Variants in TRPS1 observed in about 807,000 individuals in gnomAD.
TRPS1 encodes zinc finger transcription factor Trps1.
In TRPS1, 6 loss-of-function variants were observed where a neutral mutation model predicts 101.2. The ratio of observed to expected loss-of-function variants is 0.06; its 90% CI spans 0.03 to 0.12. TRPS1 has a LOEUF of 0.12. TRPS1 is among the 10% of genes least tolerant of loss of function. The pLI, the probability that TRPS1 is intolerant of heterozygous loss-of-function variation, is 1.00. For synonymous variants in TRPS1, 578 were observed against 589.8 expected (o/e 0.98, Z 0.29); for missense variants, 1,363 against 1,567.0 (o/e 0.87, Z 2.20).
intron 1 of TRPS1, among the ~76,000 whole-genome samples, chr8:115,654,801 G>A (rs1448932365): frequency 6.6e-6 from 1 of 152,090 alleles, no homozygotes; most frequent in Non-Finnish European, 1.5e-5. Flanking sequence ...AACTTTCTGT[G>A]ATAGCTTCTA....
chr8:115,606,152 T>A (rs1818033041), intron 3 of TRPS1, among the ~76,000 whole-genome samples: 1 of 152,152 alleles, frequency 6.6e-6, no homozygotes, highest in East Asian at 1.9e-4. Flanking sequence ...AATCACTGCA[T>A]GAGAAAAGTC....
At chr8:115,651,708 TTCAGGAAGAAGAA>T (rs1811563795) in intron 1 of TRPS1, among the ~76,000 whole-genome samples, 1 of 152,080 alleles carries the variant, frequency 6.6e-6, no homozygotes, top group Non-Finnish European at 1.5e-5. Context: ...GGTAGAGCGT[TTCAGGAAGAAGAA>T]TACAGAAGTG....
chr8:115,425,003 C>A (rs1485083447), intron 5 of TRPS1, among the ~76,000 whole-genome samples: 1 of 152,120 alleles, frequency 6.6e-6, no homozygotes, highest in Non-Finnish European at 1.5e-5. Context: ...TGACTACACA[C>A]CAGTAGACCC....
At chr8:115,436,949 T>G (rs1298011393) in intron 5 of TRPS1, among the ~76,000 whole-genome samples, 1 of 152,162 alleles carries the variant, frequency 6.6e-6, no homozygotes, top group Non-Finnish European at 1.5e-5. Context: ...GTCAATACAT[T>G]TCATAGATAC....
At chr8:115,501,758 T>C (rs1563557251) in intron 5 of TRPS1, among the ~76,000 whole-genome samples, 1 of 152,222 alleles carries the variant, frequency 6.6e-6, no homozygotes, top group Non-Finnish European at 1.5e-5. Context: ...TCTGGTATCT[T>C]ATCTTCACCA....
At chr8:115,534,478 G>A (rs117993249) in intron 5 of TRPS1, among the ~76,000 whole-genome samples, 32 of 150,884 alleles carry the variant, frequency 2.1e-4, no homozygotes, top group Admixed American at 4.0e-4. Context: ...CACACTGGAG[G>A]TTGAAGCTCT....
chr8:115,413,845 C>T lies in TRPS1; in HGVS notation c.*178G>A, dbSNP rs925469892. 2 of 641,780 alleles carry T rather than the reference C, an allele frequency of 3.1e-6. No individual in the cohort carries two copies. Among genetic ancestry groups the T allele is most frequent in the Non-Finnish European group, 5.2e-6 (2 of 381,324 alleles). 39.8% of individuals were successfully genotyped at this position (641,780 alleles called of 1,614,324 possible). A position where few individuals can be genotyped will look rare whatever the true frequency, so the allele number is the denominator to read the frequency against. On this transcript the variant is annotated 3_prime_UTR_variant, in exon 7 of 7. Transcript: ENST00000395715. ...TCTTTCTCATTGACCATTTATCTCA[C>T]TTTTTAATCTTGGTAACCTACTCAT...
intron 5 of TRPS1, among the ~76,000 whole-genome samples, chr8:115,467,394 G>A (rs999178135): frequency 2.0e-5 from 3 of 151,596 alleles, no homozygotes; most frequent in African/African-American, 4.9e-5. Context: ...GGTGTGAATG[G>A]AGGATGCTCT....
chr8:115,606,638 T>A (rs762299748), intron 3 of TRPS1, among the ~76,000 whole-genome samples: 1 of 151,954 alleles, frequency 6.6e-6, no homozygotes. Flanking sequence ...TTCAAAGCCA[T>A]ACACTCAAGG....
chr8:115,550,747 T>C (rs1343581692), intron 5 of TRPS1, among the ~76,000 whole-genome samples: 1 of 152,220 alleles, frequency 6.6e-6, no homozygotes, highest in Non-Finnish European at 1.5e-5. Context: ...TGGAAATCTA[T>C]AACTACCCTG....
chr8:115,571,880 T>C (rs1666999770), intron 5 of TRPS1, among the ~76,000 whole-genome samples: 1 of 152,054 alleles, frequency 6.6e-6, no homozygotes, highest in African/African-American at 2.4e-5. Context: ...TCTTTGATAA[T>C]ATGTATATAC....
Position 115,414,647 on chromosome 8 carries a change from A to G in TRPS1, c.3261T>C (p.Pro1087=). The change falls in exon 7 of 7, where the codon CCT becomes CCC. Residue 1087 remains proline, a synonymous_variant. Transcript: ENST00000395715. This position sits in a 1 kb window ranked among gnomAD's most constrained non-coding sequence, Gnocchi z 4.8. ...GTGGTGAATAATTTGGGTGTTTCGCAGGTCTCATGTACTTTTCTATAGGAC... is the reference window on the plus strand; with the variant it reads ...GTGGTGAATAATTTGGGTGTTTCGCGGGTCTCATGTACTTTTCTATAGGAC... ...RGSPIEKYMR[P]AKHPNYSPPG... is the part of the protein sequence containing the mutation. 1 of 1,614,072 alleles carries G rather than the reference A, an allele frequency of 6.2e-7. No homozygotes were observed. The highest frequency in any genetic ancestry group is 1.1e-5 in the South Asian group (1 of 91,090).
Position 115,619,836 on chromosome 8 carries a change from A to G in TRPS1, c.262T>C (p.Leu88=). ...QDPSSSSKKD[L]KSAVLSEKAG... is the part of the protein sequence containing the mutation. ...TTCTCACTCAGAACTGCGCTTTTCAAGTCCTTCTTACTGCTAGAAGATGGA... is the reference window on the plus strand; with the variant it reads ...TTCTCACTCAGAACTGCGCTTTTCAGGTCCTTCTTACTGCTAGAAGATGGA... The change falls in exon 3 of 7, where the codon TTG becomes CTG. Residue 88 remains leucine (L), a synonymous_variant. Transcript: ENST00000395715. 1 of 1,614,198 alleles carries G rather than the reference A, an allele frequency of 6.2e-7. No individual in the cohort carries two copies. The highest frequency in any genetic ancestry group is 1.1e-5 in the South Asian group (1 of 91,082).
At chr8:115,581,911 T>A (rs2178949) in intron 5 of TRPS1, among the ~76,000 whole-genome samples, 4 of 151,972 alleles carry the variant, frequency 2.6e-5, no homozygotes, top group African/African-American at 4.8e-5. Flanking sequence ...AGCAGAGACA[T>A]GTACAAGGAT....
At position 115,413,337 on chromosome 8, in the gene TRPS1, C is replaced by T. The variant is rs1360447850; in HGVS notation, c.*686G>A. ...AAAGGACTACTGAGTATTTGAACAT[C>T]TAAAGGACAAAAATATCAGAGAGGG... On this transcript the variant is annotated 3_prime_UTR_variant, in exon 7 of 7. Transcript: ENST00000395715. 1 of 152,542 alleles carries T rather than the reference C, an allele frequency of 6.6e-6. No homozygotes were observed. The highest frequency in any genetic ancestry group is 2.4e-5 in the African/African-American group (1 of 41,432). 9.4% of individuals were successfully genotyped at this position (152,542 alleles called of 1,614,324 possible).
chr8:115,635,356 C>T (rs1466455064), intron 1 of TRPS1, among the ~76,000 whole-genome samples: 1 of 152,136 alleles, frequency 6.6e-6, no homozygotes, highest in Non-Finnish European at 1.5e-5. Flanking sequence ...TGCACTAAAT[C>T]CTATTTTTGG....
At chr8:115,458,825 G>C (rs897291396) in intron 5 of TRPS1, among the ~76,000 whole-genome samples, 1 of 152,046 alleles carries the variant, frequency 6.6e-6, no homozygotes, top group African/African-American at 2.4e-5. Flanking sequence ...TGCTTCAATA[G>C]GAAAACAAAA....
intron 5 of TRPS1, among the ~76,000 whole-genome samples, chr8:115,497,293 T>C (rs1328055868): frequency 6.6e-6 from 1 of 152,196 alleles, no homozygotes; most frequent in Non-Finnish European, 1.5e-5. Flanking sequence ...CTAGATCCTT[T>C]TCATGCGAAG....
chr8:115,430,291 T>C (rs2129825183), intron 5 of TRPS1, among the ~76,000 whole-genome samples: 1 of 152,302 alleles, frequency 6.6e-6, no homozygotes, highest in Admixed American at 6.5e-5. Flanking sequence ...TATTTTCATG[T>C]GCAAGTCACA....
Sources: allele counts gnomAD v4.1 joint callset (sites outside exome capture counted in the v4.1 genomes callset), GRCh38; gene constraint gnomAD v4.1.1; non-coding constraint Gnocchi (gnomAD v3.1); transcripts MANE v1.5; gene names NCBI Gene and HGNC (gene_info 2026-07-23, HGNC 2026-07-21).